Variants in RBM44 observed in about 807,000 individuals in gnomAD.
RBM44 encodes RNA-binding protein 44.
RBM44 carries 66 observed loss-of-function variants against 105.1 expected under a neutral mutation model. The ratio of observed to expected loss-of-function variants is 0.63; its 90% CI spans 0.52 to 0.77. The LOEUF (loss-of-function observed/expected upper bound fraction) is 0.77. Among genes scored for constraint, RBM44 ranks in the 30% least tolerant of loss-of-function variants. The pLI is 0.00. For synonymous variants in RBM44, 365 were observed against 417.6 expected (o/e 0.87, Z 1.54); for missense variants, 1,122 against 1,207.8 (o/e 0.93, Z 1.05).
chr2:237,802,014 A>C (rs1253950068), intron 1 of RBM44, among the ~76,000 whole-genome samples: 1 of 152,248 alleles, frequency 6.6e-6, no homozygotes, highest in East Asian at 1.9e-4. Flanking sequence ...TTTAAAAACA[A>C]CTAGCAGTTT....
rs1181774527 is a variant in RBM44 at position 237,821,339 on chromosome 2, CT to C, written c.2098-5del. ...CAAAGATTTTTTTTCCTTTTCTCTC[CT>C]TCCAGCTAATGAAAAAAGAAACACA... On this transcript the variant is annotated splice_region_variant and splice_polypyrimidine_tract_variant and intron_variant, in intron 6 of 15. Coordinates refer to ENST00000316997, the MANE Select transcript of RBM44 (RefSeq NM_001080504.3). The C allele has an allele frequency of 1.3e-6, 2 of 1,562,878 alleles. No individual in the cohort carries two copies. The highest frequency in any genetic ancestry group is 2.3e-5 in the East Asian group (1 of 43,318).
At chr2:237,833,501 G>A (rs1441984055) in intron 13 of RBM44, among the ~76,000 whole-genome samples, 1 of 152,108 alleles carries the variant, frequency 6.6e-6, no homozygotes, top group African/African-American at 2.4e-5. Context: ...CATACAATTT[G>A]TATTCATTAC....
At chr2:237,835,621 C>T (rs960386727) in intron 15 of RBM44, among the ~76,000 whole-genome samples, 2 of 152,200 alleles carry the variant, frequency 1.3e-5, no homozygotes, top group Non-Finnish European at 2.9e-5. Context: ...GCAGCCACAA[C>T]ATTGCCTTAA....
Position 237,821,271 on chromosome 2 carries a change from T to C in RBM44, c.2097+17T>C. 6.4e-7 allele frequency: 1 copy of C among 1,563,630 alleles called. No homozygotes were observed. The highest frequency in any genetic ancestry group is 8.7e-7 in the Non-Finnish European group (1 of 1,155,422). On this transcript the variant is annotated intron_variant, in intron 6 of 15. Transcript: ENST00000316997. ...GCTTCCAGGGTATGTATATATGTTT[T>C]AGAAATAAAAAATTTTACTTCATTT...
chr2:237,815,374 C>T (rs1011334560), intron 2 of RBM44, among the ~76,000 whole-genome samples: 1 of 152,034 alleles, frequency 6.6e-6, no homozygotes, highest in Non-Finnish European at 1.5e-5. Flanking sequence ...AACTCATTAT[C>T]CTCATCGTCC....
chr2:237,799,710 T>C (rs1273833029), intron 1 of RBM44, among the ~76,000 whole-genome samples: 5 of 152,242 alleles, frequency 3.3e-5, no homozygotes, highest in African/African-American at 7.2e-5. Context: ...ACAGGACTTA[T>C]TCAGATTTTA....
chr2:237,805,886 G>A (rs1339778279), intron 1 of RBM44, among the ~76,000 whole-genome samples: 1 of 152,078 alleles, frequency 6.6e-6, no homozygotes, highest in Non-Finnish European at 1.5e-5. Flanking sequence ...GTGCTAAGGT[G>A]GGAGGATCAC....
rs2061749313 is a variant in RBM44 at position 237,818,626 on chromosome 2, T to G, written c.1677+30T>G. Reference sequence around the variant, plus strand: ...AATCAATATGAGTAATAATAAAATTTGGACTTTATAAAGAGACAGTGTATG... The same window carrying G: ...AATCAATATGAGTAATAATAAAATTGGGACTTTATAAAGAGACAGTGTATG... On this transcript the variant is annotated intron_variant, in intron 3 of 15. Coordinates refer to ENST00000316997, the MANE Select transcript of RBM44 (RefSeq NM_001080504.3). This position sits in a 1 kb window ranked among gnomAD's most constrained non-coding sequence, Gnocchi z 4.6. 2 of 1,412,974 alleles carry G rather than the reference T, an allele frequency of 1.4e-6. No individual in the cohort carries two copies. Among genetic ancestry groups the G allele is most frequent in the African/African-American group, 1.5e-5 (1 of 68,922 alleles). The allele number at this position is 1,412,974 out of a possible 1,614,324, so 87.5% of individuals were successfully genotyped here.
At chr2:237,808,465 C>G (rs1392388262) in intron 1 of RBM44, among the ~76,000 whole-genome samples, 4 of 145,480 alleles carry the variant, frequency 2.7e-5, no homozygotes, top group Admixed American at 6.9e-5. Context: ...CCTCTCCCCC[C>G]AAAAAAAGCA....
rs1227037919 is a variant in RBM44 at position 237,818,874 on chromosome 2, A to T, written c.1678-27A>T. ...TTGGAATTTCAGATATAACTTTTTTAAATTTAATTTTAAATCATATTTTCA... is the reference window on the plus strand; with the variant it reads ...TTGGAATTTCAGATATAACTTTTTTTAATTTAATTTTAAATCATATTTTCA... On this transcript the variant is annotated intron_variant, in intron 3 of 15. Transcript: ENST00000316997. The surrounding 1 kb of genome is among the most constrained non-coding windows in gnomAD (Gnocchi z 4.6). 7.9e-7 allele frequency: 1 copy of T among 1,262,916 alleles called. No homozygotes were observed. Among genetic ancestry groups the T allele is most frequent in the Non-Finnish European group, 1.1e-6 (1 of 902,946 alleles). 78.2% of individuals were successfully genotyped at this position (1,262,916 alleles called of 1,614,324 possible). A position where few individuals can be genotyped will look rare whatever the true frequency, so the allele number is the denominator to read the frequency against.
intron 1 of RBM44, among the ~76,000 whole-genome samples, chr2:237,804,705 G>T (rs1029849606): frequency 6.6e-6 from 1 of 152,156 alleles, no homozygotes; most frequent in Non-Finnish European, 1.5e-5. Flanking sequence ...TCTATAGGTA[G>T]CAGATGCATA....
intron 1 of RBM44, among the ~76,000 whole-genome samples, chr2:237,801,157 T>A (rs544880176): frequency 6.6e-6 from 1 of 152,238 alleles, no homozygotes; most frequent in African/African-American, 2.4e-5. Flanking sequence ...GGTGAAGCCC[T>A]GTCTCTACAA....
intron 10 of RBM44, among the ~76,000 whole-genome samples, chr2:237,825,168 A>G (rs948148345): frequency 1.3e-5 from 2 of 152,088 alleles, no homozygotes; most frequent in East Asian, 1.9e-4. Context: ...TTTAATATAC[A>G]TATACAATTT....
chr2:237,824,299 C>T lies in RBM44; in HGVS notation c.2329C>T (p.His777Tyr), dbSNP rs2061825151. The change falls in exon 10 of 16, where the codon CAT becomes TAT. Residue 777 changes from histidine to tyrosine, a missense_variant. His to Tyr is a moderately conservative substitution (Grantham distance 83). This residue lies in a region of RBM44 where 918 missense variants were observed against 955.3 expected (regional missense o/e 0.96). Transcript: ENST00000316997. Reference protein sequence around the residue: ...QLKLGDKDCRHYQETSEDWSD... With the variant: ...QLKLGDKDCRYYQETSEDWSD... ...TGTGTTGAGTGTCTTAGACTGCAGA[C>T]ATTACCAAGAGACAAGCGAAGACTG... The T allele has an allele frequency of 1.2e-6, 2 of 1,612,790 alleles. No homozygotes were observed. The highest frequency in any genetic ancestry group is 2.7e-5 in the African/African-American group (2 of 74,832).
In RBM44 at chr2:237,817,098, AG is replaced by A; in HGVS notation, c.180del (p.Glu60AspfsTer18). The A allele has an allele frequency of 6.2e-7, 1 of 1,608,886 alleles. No homozygotes were observed. Among genetic ancestry groups the A allele is most frequent in the Non-Finnish European group, 8.5e-7 (1 of 1,177,966 alleles). On this transcript the variant is annotated frameshift_variant, in exon 3 of 16. Coordinates refer to ENST00000316997, the MANE Select transcript of RBM44 (RefSeq NM_001080504.3). LOFTEE classifies it high-confidence loss of function. The part of the protein sequence containing the change: ...PDDDWNSSTL[E>X]QRANNKEISN... ...GATGACTGGAATTCTTCGACACTAG[AG>A]CAAAGAGCTAATAATAAAGAAATCA...
In RBM44 at chr2:237,829,363, G is replaced by T. The variant is rs777919919; in HGVS notation, c.2747G>T (p.Gly916Val). ...EYTSPLSSKN[G>V]NRISSNNLEK... ...ACATCACCACTTTCCTCCAAAAATG[G>T]GAATAGAATTAGTTCGAATAATTTA... The change falls in exon 13 of 16, where the codon GGG becomes GTG. Residue 916 changes from glycine to valine, a missense_variant. By Grantham distance (109) the Gly-to-Val change is moderately radical. Coordinates refer to ENST00000316997, the MANE Select transcript of RBM44 (RefSeq NM_001080504.3). The T allele has an allele frequency of 6.2e-7, 1 of 1,613,602 alleles. No homozygotes were observed. The highest frequency in any genetic ancestry group is 1.1e-5 in the South Asian group (1 of 91,058).
rs2062009771 is a variant in RBM44, at chr2:237,841,296, C to T, written c.*23-543C>T. Among the ~76,000 whole-genome samples, 2 of 152,112 alleles carry T rather than the reference C, an allele frequency of 1.3e-5. No individual in the cohort carries two copies. Among genetic ancestry groups the T allele is most frequent in the African/African-American group, 4.8e-5 (2 of 41,418 alleles). On this transcript the variant is annotated intron_variant, in intron 15 of 15. Coordinates refer to ENST00000316997, the MANE Select transcript of RBM44 (RefSeq NM_001080504.3). The surrounding 1 kb of genome is among the most constrained non-coding windows in gnomAD (Gnocchi z 4.5). ...TATGGATGGAGCTAGAGGCCGTTAT[C>T]CTAAGCAAACTAATGCAGGAACAGA...
At position 237,818,867 on chromosome 2, in the gene RBM44, C is replaced by G; in HGVS notation, c.1678-34C>G. On this transcript the variant is annotated intron_variant, in intron 3 of 15. Coordinates refer to ENST00000316997, the MANE Select transcript of RBM44 (RefSeq NM_001080504.3). The surrounding 1 kb of genome is among the most constrained non-coding windows in gnomAD (Gnocchi z 4.6). ...TATTAGTTTGGAATTTCAGATATAA[C>G]TTTTTTAAATTTAATTTTAAATCAT... 1 of 1,201,274 alleles carries G rather than the reference C, an allele frequency of 8.3e-7. No homozygotes were observed. Among genetic ancestry groups the G allele is most frequent in the Non-Finnish European group, 1.2e-6 (1 of 848,098 alleles). 74.4% of individuals were successfully genotyped at this position (1,201,274 alleles called of 1,614,324 possible).
At chr2:237,819,027 A>G (rs775945330) in intron 4 of RBM44, 68 bp downstream of exon 4, 3 of 759,594 alleles carry the variant, frequency 3.9e-6, no homozygotes, top group Non-Finnish European at 6.4e-6. Context: ...TGCTTTCTGT[A>G]TAGCATACTT....
Sources: gnomAD v4.1 joint callset for allele counts (sites outside exome capture counted in the v4.1 genomes callset) on GRCh38, gnomAD v4.1.1 for gene constraint, gnomAD v4.1.1 regional missense constraint, Gnocchi (gnomAD v3.1) non-coding constraint, MANE v1.5 for transcripts, NCBI Gene and HGNC (gene_info 2026-07-23, HGNC 2026-07-21) for gene names.